The following PPP6R1 variants were observed in gnomAD, a reference collection of about 807,000 sequenced individuals.
PPP6R1 encodes protein phosphatase 6 regulatory subunit 1.
In PPP6R1, 39 loss-of-function variants were observed where a neutral mutation model predicts 104.6. The observed-to-expected ratio is 0.37, with a 90% confidence interval of 0.29 to 0.49. The LOEUF (loss-of-function observed/expected upper bound fraction) is 0.49. PPP6R1 is among the 20% of genes least tolerant of loss of function. The probability of loss-of-function intolerance (pLI) is 0.98; values close to 1 mark genes in which losing one functional copy is unlikely to be tolerated. For synonymous variants in PPP6R1, 549 were observed against 479.0 expected (o/e 1.15, Z -1.91); for missense variants, 1,181 against 1,155.8 (o/e 1.02, Z -0.32).
intron 17 of PPP6R1, among the ~76,000 whole-genome samples, chr19:55,233,531 C>T (rs577976836): frequency 1.3e-5 from 2 of 152,342 alleles, no homozygotes; most frequent in East Asian, 3.9e-4. Flanking sequence ...TGACATGATT[C>T]TGTACATAGA....
chr19:55,248,506 C>T (rs1162665833), intron 1 of PPP6R1, among the ~76,000 whole-genome samples: 3 of 152,266 alleles, frequency 2.0e-5, no homozygotes, highest in Non-Finnish European at 2.9e-5. Flanking sequence ...AGAGCAGAGC[C>T]GGCACAAGAG....
chr19:55,246,789 A>ACG, intron 2 of PPP6R1, 88 bp downstream of exon 2: 1 of 1,227,526 alleles, frequency 8.1e-7, no homozygotes, highest in Non-Finnish European at 1.1e-6. Context: ...ACTGACACTG[A>ACG]CGCATTTCAG....
intron 5 of PPP6R1, among the ~76,000 whole-genome samples, chr19:55,243,230 T>C (rs1252180228): frequency 1.3e-5 from 2 of 151,748 alleles, no homozygotes; most frequent in African/African-American, 2.4e-5. Flanking sequence ...CTGGCCAACA[T>C]GGTGAAACCC....
rs1045165828 is a variant in PPP6R1 at position 55,246,980 on chromosome 19, G to T, written c.124C>A (p.Arg42Ser). 3.1e-6 allele frequency: 5 copies of T among 1,613,896 alleles called. No individual in the cohort carries two copies. Among genetic ancestry groups the T allele is most frequent in the Non-Finnish European group, 4.2e-6 (5 of 1,179,880 alleles). Residue 42 changes from arginine to serine, a missense_variant, in exon 2 of 24, where the codon CGC (arginine) becomes AGC (serine). Transcript: ENST00000412770. The part of the protein sequence containing the change: ...DVLQECKVVN[R>S]KLLDFLLQPP... ...TGCAGCAGGAAGTCCAGCAGCTTGC[G>T]GTTGACGACCTTGCACTCCTGCAGC...
At chr19:55,254,017 G>A (rs1218024471) in intron 1 of PPP6R1, among the ~76,000 whole-genome samples, 1 of 152,222 alleles carries the variant, frequency 6.6e-6, no homozygotes, top group Admixed American at 6.5e-5. Flanking sequence ...GTCCAACCCT[G>A]AGGCCACGTC....
intron 1 of PPP6R1, among the ~76,000 whole-genome samples, chr19:55,251,275 T>C (rs780615533): frequency 5.3e-5 from 8 of 152,102 alleles, no homozygotes; most frequent in Non-Finnish European, 8.8e-5. Context: ...TCCCCCTAGG[T>C]TACCATGGGC....
At chr19:55,243,515 A>C (rs567977071) in intron 5 of PPP6R1, among the ~76,000 whole-genome samples, 1 of 152,238 alleles carries the variant, frequency 6.6e-6, no homozygotes, top group South Asian at 2.1e-4. Context: ...ATACAAAAAA[A>C]TTAGCCAAGA....
At chr19:55,239,299 C>T (rs1303781102) in intron 15 of PPP6R1, 106 bp downstream of exon 15, 2 of 1,168,020 alleles carry the variant, frequency 1.7e-6, no homozygotes, top group African/African-American at 1.5e-5. Context: ...CAGCTGCAGG[C>T]TGAGCCCACA....
At chr19:55,256,290 CGCT>C (rs1447058858) in intron 1 of PPP6R1, among the ~76,000 whole-genome samples, 4 of 152,242 alleles carry the variant, frequency 2.6e-5, no homozygotes, top group African/African-American at 9.6e-5. Context: ...TCCTCCTCTG[CGCT>C]GCTAACATTT....
intron 5 of PPP6R1, 54 bp from the exon 6 acceptor site, chr19:55,242,542 A>G (rs1164913258): frequency 2.7e-6 from 4 of 1,465,758 alleles, no homozygotes; most frequent in East Asian, 4.5e-5. Flanking sequence ...GGCCCTCTGC[A>G]GCCTGGTGCT....
chr19:55,236,062 C>G (rs2087396089), intron 17 of PPP6R1, among the ~76,000 whole-genome samples: 2 of 151,856 alleles, frequency 1.3e-5, no homozygotes, highest in South Asian at 4.2e-4. Context: ...AACTCCTGAG[C>G]TCAAGCGATC....
Position 55,241,596 on chromosome 19 carries a change from C to A in PPP6R1, c.889G>T (p.Gly297Trp). The change falls in exon 8 of 24, where the codon GGG becomes TGG. Residue 297 changes from glycine to tryptophan, a missense_variant. By Grantham distance (184) the Gly-to-Trp change is radical. Transcript: ENST00000412770. The surrounding 1 kb of genome is among the most constrained non-coding windows in gnomAD (Gnocchi z 5.4). Reference protein sequence around the residue: ...TVNSFFSSVDGQLELLAQGAL... With the variant: ...TVNSFFSSVDWQLELLAQGAL... ...CCCTGGGCCAGGAGCTCCAGCTGCCCATCCACACTGCTGAAGAAGCTGTTC... is the reference window on the plus strand; with the variant it reads ...CCCTGGGCCAGGAGCTCCAGCTGCCAATCCACACTGCTGAAGAAGCTGTTC... 6.3e-7 allele frequency: 1 copy of A among 1,586,940 alleles called. No individual in the cohort carries two copies. Among genetic ancestry groups the A allele is most frequent in the East Asian group, 2.3e-5 (1 of 43,112 alleles).
Position 55,241,406 on chromosome 19 carries a change from AG to A in PPP6R1, c.1009-16del. ...AGCGGCTCCAGCTGCAGACACAGGG[AG>A]GCCTGATTCCCAAGGGCTGCCCTTC... On this transcript the variant is annotated splice_polypyrimidine_tract_variant and intron_variant, in intron 8 of 23. Transcript: ENST00000412770. This position sits in a 1 kb window ranked among gnomAD's most constrained non-coding sequence, Gnocchi z 5.4. 6.2e-7 allele frequency: 1 copy of A among 1,602,876 alleles called. No individual in the cohort carries two copies. Among genetic ancestry groups the A allele is most frequent in the Non-Finnish European group, 8.5e-7 (1 of 1,173,622 alleles).
intron 17 of PPP6R1, among the ~76,000 whole-genome samples, chr19:55,235,210 G>GA (rs79678602): frequency 9.7e-4 from 141 of 145,088 alleles, no homozygotes; most frequent in Middle Eastern, 7.0e-3. Context: ...AGTATTAAGA[G>GA]AAAAAAAAAA....
At chr19:55,247,132 C>T (rs545913677) in intron 1 of PPP6R1, 23 bp from the exon 2 acceptor site, 16 of 1,605,172 alleles carry the variant, frequency 1.0e-5, no homozygotes, top group Middle Eastern at 1.7e-4. Flanking sequence ...ACACAACCAG[C>T]GCCGCGTCAG....
rs1247332699 is a variant in PPP6R1, at chr19:55,245,728, AG to A, written c.228-51del. 8.9e-6 allele frequency: 6 copies of A among 677,388 alleles called. No individual in the cohort carries two copies. Among genetic ancestry groups the A allele is most frequent in the Non-Finnish European group, 1.2e-5 (5 of 407,680 alleles). 42.0% of individuals were successfully genotyped at this position (677,388 alleles called of 1,614,324 possible). ...GGGGCTCGGGTCGGAGGCCGGGGGC[AG>A]GGGGCGGCAAGGCTCCACCCTCTTC... On this transcript the variant is annotated intron_variant, in intron 2 of 23. Coordinates refer to ENST00000412770, the MANE Select transcript of PPP6R1 (RefSeq NM_014931.4). The surrounding 1 kb of genome is among the most constrained non-coding windows in gnomAD (Gnocchi z 6.4).
chr19:55,246,726 G>A, intron 2 of PPP6R1, 151 bp downstream of exon 2: 1 of 779,026 alleles, frequency 1.3e-6, no homozygotes, highest in Non-Finnish European at 2.0e-6. Context: ...GAGGCCTTGT[G>A]CAGGAGCCTG....
Position 55,241,626 on chromosome 19 carries a change from T to C in PPP6R1, c.859A>G (p.Thr287Ala). The change falls in exon 8 of 24, where the codon ACC becomes GCC. Residue 287 changes from threonine (T) to alanine (A), a missense_variant. Coordinates refer to ENST00000412770, the MANE Select transcript of PPP6R1 (RefSeq NM_014931.4). The surrounding 1 kb of genome is among the most constrained non-coding windows in gnomAD (Gnocchi z 5.4). ...EPRRPRSESV[T>A]VNSFFSSVDG... ...ACACTGCTGAAGAAGCTGTTCACGG[T>C]CACGGACTCGGACCTGCAGCAGGGC... 1.3e-6 allele frequency: 2 copies of C among 1,580,358 alleles called. No homozygotes were observed. The highest frequency in any genetic ancestry group is 1.2e-5 in the South Asian group (1 of 86,154).
intron 5 of PPP6R1, among the ~76,000 whole-genome samples, chr19:55,244,439 G>A (rs949679630): frequency 1.4e-4 from 21 of 152,214 alleles, no homozygotes; most frequent in African/African-American, 5.1e-4. Context: ...CAAGGCTGCT[G>A]GACGGACACT....
Sources: allele counts gnomAD v4.1 joint callset (sites outside exome capture counted in the v4.1 genomes callset), GRCh38; gene constraint gnomAD v4.1.1; non-coding constraint Gnocchi (gnomAD v3.1); transcripts MANE v1.5; gene names NCBI Gene and HGNC (gene_info 2026-07-23, HGNC 2026-07-21).